IL1RAP: variants seen among roughly 807,000 people sequenced by gnomAD.
The protein encoded by IL1RAP is interleukin 1 receptor accessory protein, also known as interleukin-1 receptor accessory protein.
In IL1RAP, 35 loss-of-function variants were observed where a neutral mutation model predicts 60.7. The observed-to-expected ratio is 0.58, with a 90% CI of 0.44 to 0.76. The LOEUF (loss-of-function observed/expected upper bound fraction) is 0.76. Ranked by LOEUF, IL1RAP falls within the 30% of genes least tolerant of loss-of-function variation. IL1RAP has a pLI of 0.00. For synonymous variants in IL1RAP, 268 were observed against 250.9 expected, an observed-to-expected ratio of 1.07 and a Z score of -0.64; for missense variants, 572 against 693.9, an observed-to-expected ratio of 0.82 and a Z score of 1.97.
intron 3 of IL1RAP, among the ~76,000 whole-genome samples, chr3:190,590,210 C>T (rs1328928785): frequency 6.6e-6 from 1 of 151,608 alleles, no homozygotes; most frequent in Non-Finnish European, 1.5e-5. Context: ...ATATTTGTGA[C>T]ATGTACTGTT....
At chr3:190,608,815 T>C (rs1730575524) in intron 4 of IL1RAP, among the ~76,000 whole-genome samples, 180 bp from the exon 5 acceptor site, 1 of 88,376 alleles carries the variant, frequency 1.1e-5, no homozygotes. Context: ...CCTGTTTTTT[T>C]ATTCTGTGAT....
intron 1 of IL1RAP, among the ~76,000 whole-genome samples, chr3:190,546,465 T>C (rs1177821908): frequency 1.3e-5 from 2 of 152,232 alleles, no homozygotes; most frequent in Non-Finnish European, 2.9e-5. Context: ...CATGCTGGCA[T>C]GTTGCTTGGA....
chr3:190,629,069 C>G (rs1732553613), intron 8 of IL1RAP, among the ~76,000 whole-genome samples: 1 of 152,110 alleles, frequency 6.6e-6, no homozygotes, highest in Non-Finnish European at 1.5e-5. Context: ...GAAGTTTAAG[C>G]AAAAGAGACA....
At chr3:190,567,601 G>T (rs1726530019) in intron 3 of IL1RAP, among the ~76,000 whole-genome samples, 1 of 152,264 alleles carries the variant, frequency 6.6e-6, no homozygotes, top group Non-Finnish European at 1.5e-5. Flanking sequence ...ATATGCTCCA[G>T]TTGGGGTCTA....
At chr3:190,537,680 A>C (rs1448155691) in intron 1 of IL1RAP, among the ~76,000 whole-genome samples, 1 of 151,662 alleles carries the variant, frequency 6.6e-6, no homozygotes, top group Admixed American at 6.6e-5. Context: ...ACATATCAAA[A>C]TGTAGAATAT....
chr3:190,569,824 T>C (rs542320678), intron 3 of IL1RAP, among the ~76,000 whole-genome samples: 2 of 152,340 alleles, frequency 1.3e-5, no homozygotes, highest in East Asian at 1.9e-4. Flanking sequence ...ACCAGTATTT[T>C]TGTAGGAACT....
intron 3 of IL1RAP, among the ~76,000 whole-genome samples, chr3:190,576,956 C>G (rs1727520483): frequency 6.6e-6 from 1 of 151,940 alleles, no homozygotes; most frequent in African/African-American, 2.4e-5. Flanking sequence ...AAAAAATTAG[C>G]CGGGCGCGGT....
chr3:190,583,926 G>A (rs1728221428), intron 3 of IL1RAP, among the ~76,000 whole-genome samples: 1 of 152,114 alleles, frequency 6.6e-6, no homozygotes, highest in Non-Finnish European at 1.5e-5. Context: ...GTCAAATTGA[G>A]TTTTTTGGTG....
At chr3:190,518,009 A>G (rs1721682083) in intron 1 of IL1RAP, 2 of 152,156 alleles carry the variant, frequency 1.3e-5, no homozygotes, top group African/African-American at 2.4e-5. Flanking sequence ...ACACCAAAGA[A>G]TAGGAAGGTT....
intron 1 of IL1RAP, among the ~76,000 whole-genome samples, chr3:190,541,700 A>G (rs1350939024): frequency 6.6e-6 from 1 of 152,158 alleles, no homozygotes; most frequent in East Asian, 1.9e-4. Flanking sequence ...TCATTGTGCA[A>G]CTATTGCCAC....
At chr3:190,531,773 G>A (rs1334610796) in intron 1 of IL1RAP, among the ~76,000 whole-genome samples, 1 of 152,172 alleles carries the variant, frequency 6.6e-6, no homozygotes, top group Non-Finnish European at 1.5e-5. Context: ...CACCCCTAAA[G>A]AGATCCCTAG....
chr3:190,562,697 CACACACA>C (rs1726005253), intron 2 of IL1RAP, among the ~76,000 whole-genome samples: 1 of 8,128 alleles, frequency 1.2e-4, no homozygotes, highest in African/African-American at 3.7e-4. Context: ...ATCTCGTCCA[CACACACA>C]CACACACACA....
intron 3 of IL1RAP, among the ~76,000 whole-genome samples, chr3:190,591,759 A>G (rs973264092): frequency 1.3e-5 from 2 of 152,214 alleles, no homozygotes; most frequent in Non-Finnish European, 2.9e-5. Flanking sequence ...TAAAATAATC[A>G]TTGAATTTTT....
chr3:190,603,827 A>G (rs1203704116), intron 3 of IL1RAP, among the ~76,000 whole-genome samples: 1 of 152,206 alleles, frequency 6.6e-6, no homozygotes, highest in Non-Finnish European at 1.5e-5. Context: ...ACAAAGTGAA[A>G]AAACACTTGA....
Position 190,561,212 on chromosome 3 carries a change from A to C in IL1RAP, c.-1-3077A>C, listed in dbSNP as rs375512257. The stretch of plus-strand genomic sequence containing the variant: ...CTCACTCTAAGACGCAACAACCAAA[A>C]GTGTATTACTCTTTACGATAATAAA... On this transcript the variant is annotated intron_variant, in intron 2 of 11. Coordinates refer to ENST00000447382, the MANE Select transcript of IL1RAP (RefSeq NM_002182.4). 3.9e-5 allele frequency among the ~76,000 whole-genome samples: 6 copies of C among 152,270 alleles called. No homozygotes were observed. In the East Asian group the frequency reaches 1.2e-3, roughly 29 times the overall value.
intron 1 of IL1RAP, among the ~76,000 whole-genome samples, chr3:190,526,599 C>G (rs1025910293): frequency 6.6e-6 from 1 of 152,196 alleles, no homozygotes; most frequent in African/African-American, 2.4e-5. Flanking sequence ...ACTAACATCT[C>G]TAAACCTCTT....
At chr3:190,560,343 G>T (rs1725777130) in intron 2 of IL1RAP, among the ~76,000 whole-genome samples, 1 of 152,216 alleles carries the variant, frequency 6.6e-6, no homozygotes, top group Non-Finnish European at 1.5e-5. Context: ...GTTTTCAAAA[G>T]TGCGAATGGT....
chr3:190,613,301 G>A (rs567810600), intron 5 of IL1RAP, among the ~76,000 whole-genome samples: 2 of 152,162 alleles, frequency 1.3e-5, no homozygotes, highest in South Asian at 4.1e-4. Context: ...TAATGGGTTA[G>A]GTAATGCCAT....
intron 3 of IL1RAP, among the ~76,000 whole-genome samples, chr3:190,591,498 AT>A (rs765865231): frequency 3.3e-5 from 5 of 152,146 alleles, no homozygotes; most frequent in Non-Finnish European, 7.4e-5. Context: ...CATGTATGGA[AT>A]GGGGGTATTT....
Sources: gnomAD v4.1 joint callset for allele counts (sites outside exome capture counted in the v4.1 genomes callset) on GRCh38, gnomAD v4.1.1 for gene constraint, MANE v1.5 for transcripts, NCBI Gene and HGNC (gene_info 2026-07-23, HGNC 2026-07-21) for gene names.